SPTLC1: variants seen among roughly 807,000 people sequenced by gnomAD.
SPTLC1 encodes serine palmitoyltransferase long chain base subunit 1, also known as serine palmitoyltransferase 1.
In SPTLC1, 55 loss-of-function variants were observed where a neutral mutation model predicts 68.9. The observed-to-expected ratio is 0.80, with a 90% CI of 0.64 to 1.00. The LOEUF is 1.00. SPTLC1 is among the 50% of genes least tolerant of loss of function. The pLI, the probability that SPTLC1 is intolerant of heterozygous loss-of-function variation, is 0.00. For synonymous variants in SPTLC1, 197 were observed against 201.6 expected, an observed-to-expected ratio of 0.98 and a Z score of 0.19; for missense variants, 449 against 573.1, an observed-to-expected ratio of 0.78 and a Z score of 2.21.
chr9:92,074,191 G>C (rs1048885449), intron 5 of SPTLC1, among the ~76,000 whole-genome samples: 1 of 151,912 alleles, frequency 6.6e-6, no homozygotes, highest in Non-Finnish European at 1.5e-5. Flanking sequence ...TAATCGATAC[G>C]GGGGCTACCC....
intron 3 of SPTLC1, among the ~76,000 whole-genome samples, chr9:92,085,454 T>C (rs1017471795): frequency 5.9e-5 from 9 of 152,134 alleles, no homozygotes; most frequent in African/African-American, 1.9e-4. Flanking sequence ...TTTGTTCTCG[T>C]TGGTTTCAAA....
In SPTLC1 at chr9:92,055,427, G is replaced by A. The variant is rs553640160; in HGVS notation, c.758C>T (p.Thr253Ile). ...VVEGLYMNTGTICPLPELVKL... is the reference protein window; with the variant it reads ...VVEGLYMNTGIICPLPELVKL... The stretch of plus-strand genomic sequence containing the variant: ...TACCAATTCTGGAAGAGGACAAATA[G>A]TTCCAGTATTCATATACAATCCTTC... Residue 253 changes from threonine to isoleucine, a missense_variant, in exon 8 of 15, where the codon ACT becomes ATT. Around this residue, in one of 3 missense-constraint regions of SPTLC1, gnomAD observed 391 missense variants for 472.1 expected, o/e 0.83. Coordinates refer to ENST00000262554, the MANE Select transcript of SPTLC1 (RefSeq NM_006415.4). The A allele has an allele frequency of 6.2e-7, 1 of 1,613,452 alleles. No homozygotes were observed. Among genetic ancestry groups the A allele is most frequent in the African/African-American group, 1.3e-5 (1 of 74,924 alleles).
At chr9:92,080,776 G>A in intron 4 of SPTLC1, 94 bp downstream of exon 4, 1 of 992,388 alleles carries the variant, frequency 1.0e-6, no homozygotes, top group Non-Finnish European at 1.6e-6. Flanking sequence ...CTGACCTGAA[G>A]TGATCCACCA....
At chr9:92,037,773 G>C (rs142085730) in intron 13 of SPTLC1, among the ~76,000 whole-genome samples, 1 of 152,110 alleles carries the variant, frequency 6.6e-6, no homozygotes, top group Non-Finnish European at 1.5e-5. Context: ...CTTCCTTTCC[G>C]TTTACAAGAG....
chr9:92,034,947 G>A lies in SPTLC1; in HGVS notation c.1255-64C>T. The A allele has an allele frequency of 2.2e-6, 3 of 1,334,648 alleles. 1 individual carries two copies. The highest frequency in any genetic ancestry group is 3.6e-4 in the Middle Eastern group (2 of 5,546). 82.7% of individuals were successfully genotyped at this position (1,334,648 alleles called of 1,614,324 possible). On this transcript the variant is annotated intron_variant, in intron 13 of 14. Coordinates refer to ENST00000262554, the MANE Select transcript of SPTLC1 (RefSeq NM_006415.4). ...CAGACATGGTGGTAATTAAACTGGG[G>A]GAACGCTGAAATCCTGCAACGGTAG...
intron 8 of SPTLC1, chr9:92,050,940 A>G: frequency 1.0e-6 from 1 of 967,788 alleles, no homozygotes; most frequent in Non-Finnish European, 1.2e-6. Flanking sequence ...CGCCACCCAA[A>G]GTGTTGGGAT....
In SPTLC1 at chr9:92,050,007, C is replaced by T. The variant is rs765145550; in HGVS notation, c.841G>A (p.Val281Ile). 1 of 1,613,996 alleles carries T rather than the reference C, an allele frequency of 6.2e-7. No homozygotes were observed. The highest frequency in any genetic ancestry group is 1.1e-5 in the South Asian group (1 of 91,086). ...IFLEESLSFG[V>I]LGEHGRGVTE... Reference sequence around the variant, plus strand: ...ACTCCTCGGCCATGCTCTCCTAGGACTCCAAATGAAAGGCTTTCCTCCAGG... The same window carrying T: ...ACTCCTCGGCCATGCTCTCCTAGGATTCCAAATGAAAGGCTTTCCTCCAGG... The change falls in exon 9 of 15, where the codon GTC becomes ATC. Residue 281 changes from valine to isoleucine, a missense_variant. Physicochemically the swap from Val to Ile is conservative, Grantham distance 29. Around this residue, in one of 3 missense-constraint regions of SPTLC1, gnomAD observed 391 missense variants for 472.1 expected, o/e 0.83. Transcript: ENST00000262554.
intron 3 of SPTLC1, among the ~76,000 whole-genome samples, chr9:92,091,869 T>C (rs559152505): frequency 3.0e-4 from 46 of 152,320 alleles, no homozygotes; most frequent in Non-Finnish European, 5.9e-4. Flanking sequence ...AACTAAATGA[T>C]AGCTGGTGTA....
chr9:92,036,504 T>C (rs1470614199), intron 13 of SPTLC1, among the ~76,000 whole-genome samples: 3 of 152,376 alleles, frequency 2.0e-5, no homozygotes, highest in African/African-American at 4.8e-5. Context: ...TCCCTCAACA[T>C]GAAGCATGTG....
intron 5 of SPTLC1, among the ~76,000 whole-genome samples, chr9:92,071,897 G>A (rs1327537349): frequency 6.6e-6 from 1 of 152,176 alleles, no homozygotes; most frequent in East Asian, 1.9e-4. Context: ...ATGACACTGT[G>A]CTCTGTAACC....
intron 12 of SPTLC1, among the ~76,000 whole-genome samples, chr9:92,041,868 A>T (rs890649256): frequency 6.6e-6 from 1 of 152,236 alleles, no homozygotes; most frequent in African/African-American, 2.4e-5. Flanking sequence ...TTACCTTAAT[A>T]GATGTAAAAA....
chr9:92,070,537 TCTTGCACTTG>T (rs1279215600), intron 5 of SPTLC1, among the ~76,000 whole-genome samples: 1 of 152,202 alleles, frequency 6.6e-6, no homozygotes, highest in African/African-American at 2.4e-5. Flanking sequence ...CTCAGCACTT[TCTTGCACTTG>T]CTTATCTGCC....
At chr9:92,083,508 C>A (rs925273490) in intron 3 of SPTLC1, among the ~76,000 whole-genome samples, 7 of 152,152 alleles carry the variant, frequency 4.6e-5, no homozygotes, top group African/African-American at 1.7e-4. Context: ...ATCCTTTCCC[C>A]AATGCTTGAT....
At chr9:92,034,040 C>A (rs2118337268) in intron 14 of SPTLC1, among the ~76,000 whole-genome samples, 1 of 152,340 alleles carries the variant, frequency 6.6e-6, no homozygotes, top group South Asian at 2.1e-4. Flanking sequence ...CCAGATGAAC[C>A]TGGAGGTCTC....
intron 12 of SPTLC1, among the ~76,000 whole-genome samples, chr9:92,039,637 A>G (rs997786247): frequency 6.6e-6 from 1 of 152,204 alleles, no homozygotes; most frequent in Non-Finnish European, 1.5e-5. Context: ...CCTTTCATTT[A>G]GTTTGTTTCA....
Position 92,081,180 on chromosome 9 carries a change from TGAAAATAAAAAA to T in SPTLC1, c.261-229_261-218del, listed in dbSNP as rs1319696185. On this transcript the variant is annotated intron_variant, in intron 3 of 14. Coordinates refer to ENST00000262554, the MANE Select transcript of SPTLC1 (RefSeq NM_006415.4). ...TATTTTTAATAAAATACCTGTACTATGAAAATAAAAAAGAAAAATAAGCTAGAATTCCAAGAT... is the reference window on the plus strand; with the variant it reads ...TATTTTTAATAAAATACCTGTACTATGAAAAATAAGCTAGAATTCCAAGAT... 4.6e-5 allele frequency among the ~76,000 whole-genome samples: 7 copies of T among 152,182 alleles called. No homozygotes were observed. In the East Asian group the frequency reaches 1.4e-3, roughly 29 times the overall value.
intron 8 of SPTLC1, among the ~76,000 whole-genome samples, chr9:92,054,470 T>C (rs960653022): frequency 5.3e-5 from 8 of 152,206 alleles, no homozygotes; most frequent in African/African-American, 1.9e-4. Flanking sequence ...TGGATAAACA[T>C]TGTCTTACAT....
At chr9:92,081,006 G>A (rs1327597992) in intron 3 of SPTLC1, 43 bp from the exon 4 acceptor site, 2 of 1,429,902 alleles carry the variant, frequency 1.4e-6, no homozygotes, top group Admixed American at 1.7e-5. Flanking sequence ...ACACATTCAT[G>A]TTACATGCTA....
chr9:92,067,230 C>T (rs988449018), intron 6 of SPTLC1, among the ~76,000 whole-genome samples: 1 of 150,360 alleles, frequency 6.7e-6, no homozygotes, highest in Admixed American at 6.7e-5. Flanking sequence ...ACTTGGGAGG[C>T]GGAGGTTGCA....
Sources: gnomAD v4.1 joint callset for allele counts (sites outside exome capture counted in the v4.1 genomes callset) on GRCh38, gnomAD v4.1.1 for gene constraint, gnomAD v4.1.1 regional missense constraint, MANE v1.5 for transcripts, NCBI Gene and HGNC (gene_info 2026-07-23, HGNC 2026-07-21) for gene names.